SNAPC3: variants seen among roughly 807,000 people sequenced by gnomAD.
SNAPC3 encodes snRNA-activating protein complex subunit 3.
Under a neutral mutation model 47.7 loss-of-function variants are expected in SNAPC3, and 56 were observed. The ratio of observed to expected loss-of-function variants is 1.18; its 90% confidence interval spans 0.95 to 1.47. The LOEUF is 1.47. Among genes scored for constraint, SNAPC3 ranks in the 40% most tolerant of loss-of-function variants. SNAPC3 has a pLI of 0.00. For synonymous variants in SNAPC3, 235 were observed against 189.9 expected (o/e 1.24, Z -1.95); for missense variants, 665 against 511.3 (o/e 1.30, Z -2.90).
intron 3 of SNAPC3, among the ~76,000 whole-genome samples, chr9:15,435,604 G>A (rs1384111302): frequency 3.3e-5 from 5 of 151,322 alleles, no homozygotes; most frequent in African/African-American, 9.7e-5. Context: ...GGTGGCAGGC[G>A]CCTGTAATCC....
At chr9:15,450,444 C>T (rs1193895629) in intron 5 of SNAPC3, among the ~76,000 whole-genome samples, 1 of 152,178 alleles carries the variant, frequency 6.6e-6, no homozygotes, top group Non-Finnish European at 1.5e-5. Context: ...TGCTTTTGAT[C>T]TTCACCACAA....
In SNAPC3 at chr9:15,433,564, G is replaced by A. The variant is rs771570311; in HGVS notation, c.405G>A (p.Arg135=). 4 of 1,602,034 alleles carry A rather than the reference G, an allele frequency of 2.5e-6. No individual in the cohort carries two copies. Among genetic ancestry groups the A allele is most frequent in the African/African-American group, 2.7e-5 (2 of 74,404 alleles). The change falls in exon 3 of 9, where the codon AGG becomes AGA. Residue 135 remains arginine, a synonymous_variant. Transcript: ENST00000380821. ...TDLVTLGVRK[R]FLEHREETIT... is the part of the protein sequence containing the mutation. ...ACATCTACAACAGGGTTAGAAAAAG[G>A]TTCTTGGAACATCGGGAAGAAACCA...
rs79276297 is a variant in SNAPC3, at chr9:15,438,972, A to G, written c.477+5336A>G. ...TCCAACTATTACCATAGAACTGTCT[A>G]TTTCTTCAATTCTGTTGGCTTTTGC... On this transcript the variant is annotated intron_variant, in intron 3 of 8. Coordinates refer to ENST00000380821, the MANE Select transcript of SNAPC3 (RefSeq NM_001039697.2). 8.1e-4 allele frequency among the ~76,000 whole-genome samples: 124 copies of G among 152,218 alleles called. 1 individual carries two copies. In the East Asian group the frequency reaches 0.021, roughly 26 times the overall value.
chr9:15,423,271 C>T (rs1386931730), intron 1 of SNAPC3, 78 bp downstream of exon 1: 3 of 1,377,076 alleles, frequency 2.2e-6, no homozygotes, highest in African/African-American at 1.5e-5. Flanking sequence ...CTCTGGGACT[C>T]ATCCCTGAGA....
At chr9:15,453,419 T>C (rs1587382182) in intron 7 of SNAPC3, 2 of 439,818 alleles carry the variant, frequency 4.5e-6, no homozygotes, top group East Asian at 3.6e-5. Flanking sequence ...GGAAAATCTT[T>C]AAGAAATACT....
rs1270245103 is a variant in SNAPC3, at chr9:15,460,178, A to G, written c.*312A>G. 1 of 178,006 alleles carries G rather than the reference A, an allele frequency of 5.6e-6. No individual in the cohort carries two copies. The allele number at this position is 178,006 out of a possible 1,614,324, so 11.0% of individuals were successfully genotyped here. On this transcript the variant is annotated 3_prime_UTR_variant, in exon 9 of 9. Transcript: ENST00000380821. ...ACACACATATTCTTTCTCCCAATCC[A>G]TGCCTTCCCTATTCATTCTCTGTCC...
At chr9:15,438,072 A>G (rs1445419893) in intron 3 of SNAPC3, among the ~76,000 whole-genome samples, 1 of 152,148 alleles carries the variant, frequency 6.6e-6, no homozygotes, top group Non-Finnish European at 1.5e-5. Flanking sequence ...AATTCTTTTA[A>G]TGTTTGGTAG....
intron 7 of SNAPC3, among the ~76,000 whole-genome samples, chr9:15,453,954 GC>G (rs1170860347): frequency 6.6e-6 from 1 of 152,158 alleles, no homozygotes; most frequent in Non-Finnish European, 1.5e-5. Flanking sequence ...AGAAACTGAT[GC>G]CTGCCGGGTG....
chr9:15,449,665 G>A (rs935942214), intron 5 of SNAPC3, among the ~76,000 whole-genome samples: 1 of 145,794 alleles, frequency 6.9e-6, no homozygotes, highest in Non-Finnish European at 1.5e-5. Context: ...CTGCCTCTCG[G>A]GTTCACACGA....
At chr9:15,453,441 C>T (rs985011874) in intron 7 of SNAPC3, 49 of 372,318 alleles carry the variant, frequency 1.3e-4, no homozygotes, top group Admixed American at 1.8e-4. Context: ...TACTATTAGA[C>T]GGTTAAAAAT....
rs1483197681 is a variant in SNAPC3, at chr9:15,453,058, C to CA, written c.834dup (p.Glu279ArgfsTer4). 6.2e-7 allele frequency: 1 copy of CA among 1,613,064 alleles called. No homozygotes were observed. The highest frequency in any genetic ancestry group is 8.5e-7 in the Non-Finnish European group (1 of 1,179,388). On this transcript the variant is annotated frameshift_variant, in exon 7 of 9. Coordinates refer to ENST00000380821, the MANE Select transcript of SNAPC3 (RefSeq NM_001039697.2). LOFTEE classifies it high-confidence loss of function. ...CCCCTCAGAACTATCATTGAGTGGT[C>CA]AGAGTCCCATGATAGAGGCTATGGA...
chr9:15,444,320 C>A (rs2382530), intron 3 of SNAPC3, among the ~76,000 whole-genome samples: 106,219 of 152,122 alleles, frequency 0.7, 39,393 homozygotes, highest in Admixed American at 0.82. Flanking sequence ...AGTTGATACT[C>A]CTGTTTGCTC....
chr9:15,458,423 C>T (rs2034963454), intron 8 of SNAPC3, among the ~76,000 whole-genome samples: 1 of 152,074 alleles, frequency 6.6e-6, no homozygotes, highest in Non-Finnish European at 1.5e-5. Flanking sequence ...GGTCACAGTG[C>T]ACATTACCAT....
intron 2 of SNAPC3, among the ~76,000 whole-genome samples, chr9:15,431,458 A>T (rs925146399): frequency 2.0e-5 from 3 of 152,192 alleles, no homozygotes; most frequent in African/African-American, 7.2e-5. Flanking sequence ...TTGAATCCTT[A>T]ACCTTTGTTC....
At chr9:15,461,918 A>G (rs1446986778), downstream of SNAPC3, 9 of 152,254 alleles carry the variant, frequency 5.9e-5, no homozygotes, top group South Asian at 6.2e-4. Context: ...GTATACAACA[A>G]TGCTAAAATT....
chr9:15,452,627 T>C (rs2034477831), intron 6 of SNAPC3, among the ~76,000 whole-genome samples: 1 of 152,238 alleles, frequency 6.6e-6, no homozygotes, highest in East Asian at 1.9e-4. Flanking sequence ...CTTGCATTTC[T>C]TTATACTATA....
intron 5 of SNAPC3, among the ~76,000 whole-genome samples, chr9:15,448,439 T>G (rs2034111765): frequency 6.6e-6 from 1 of 152,226 alleles, no homozygotes; most frequent in South Asian, 2.1e-4. Flanking sequence ...TCATCCGTTT[T>G]GTGAGTTCAT....
rs1448649616 is a variant in SNAPC3, at chr9:15,458,054, A to G, written c.1075A>G (p.Met359Val). 1.9e-6 allele frequency: 3 copies of G among 1,564,592 alleles called. No homozygotes were observed. The highest frequency in any genetic ancestry group is 2.3e-5 in the East Asian group (1 of 43,592). Residue 359 changes from methionine to valine, a missense_variant, in exon 8 of 9, where the codon ATG becomes GTG. Coordinates refer to ENST00000380821, the MANE Select transcript of SNAPC3 (RefSeq NM_001039697.2). ...LWTRKCFVCK[M>V]YTARWVTNND... ...GACCAGAAAATGTTTTGTTTGTAAA[A>G]TGTATACAGCCAGGTGAGTGATAAT...
At chr9:15,454,584 CCGGTTGTTCACTGTT>C (rs1351409638) in intron 7 of SNAPC3, among the ~76,000 whole-genome samples, 3 of 152,154 alleles carry the variant, frequency 2.0e-5, no homozygotes, top group Non-Finnish European at 4.4e-5. Context: ...TGGTAGACTC[CCGGTTGTTCACTGTT>C]CTGTCAGAAA....
Sources: gnomAD v4.1 joint callset for allele counts (sites outside exome capture counted in the v4.1 genomes callset) on GRCh38, gnomAD v4.1.1 for gene constraint, MANE v1.5 for transcripts, NCBI Gene and HGNC (gene_info 2026-07-23, HGNC 2026-07-21) for gene names.